Variants in KCTD8 observed in about 807,000 individuals in gnomAD.
KCTD8 encodes the protein BTB/POZ domain-containing protein KCTD8.
A neutral mutation model predicts 31.5 loss-of-function variants in KCTD8; 27 were observed. That is an observed-to-expected ratio of 0.86 (90% CI 0.63 to 1.18). The LOEUF is 1.18. KCTD8 is among the 50% of genes most tolerant of loss of function. The pLI, the probability that KCTD8 is intolerant of heterozygous loss-of-function variation, is 0.00. For missense variants in KCTD8, 658 were observed against 647.7 expected, an observed-to-expected ratio of 1.02 and a Z score of -0.17; for synonymous variants, 290 against 280.0, an observed-to-expected ratio of 1.04 and a Z score of -0.36.
chr4:44,387,383 A>G (rs370451554), intron 1 of KCTD8, among the ~76,000 whole-genome samples: 3 of 152,090 alleles, frequency 2.0e-5, no homozygotes, highest in African/African-American at 7.2e-5. Context: ...TAAAATTCAT[A>G]TTGAACCAAA....
chr4:44,412,806 C>T (rs1187736279), intron 1 of KCTD8, among the ~76,000 whole-genome samples: 1 of 152,142 alleles, frequency 6.6e-6, no homozygotes, highest in Admixed American at 6.6e-5. Flanking sequence ...TTTTTCTAGG[C>T]ATATTGTCAA....
At position 44,352,064 on chromosome 4, in the gene KCTD8, A is replaced by G. The variant is rs116761796; in HGVS notation, c.961+95499T>C. ...CTTACCTGGCCACTACTGTGGACTC[A>G]GAAATTCTCTTCTCATTCCATGTAC... On this transcript the variant is annotated intron_variant, in intron 1 of 1. Coordinates refer to ENST00000360029, the MANE Select transcript of KCTD8 (RefSeq NM_198353.3). Among the ~76,000 whole-genome samples the G allele has an allele frequency of 3.5e-3, 533 of 152,274 alleles. 5 individuals are homozygous for G. The highest frequency in any genetic ancestry group is 0.012 in the African/African-American group (507 of 41,568).
chr4:44,316,207 T>C (rs1468575744), intron 1 of KCTD8, among the ~76,000 whole-genome samples: 1 of 152,214 alleles, frequency 6.6e-6, no homozygotes, highest in East Asian at 1.9e-4. Context: ...CTATATATCT[T>C]AACTATGTTG....
At chr4:44,217,299 C>T (rs944774157) in intron 1 of KCTD8, among the ~76,000 whole-genome samples, 5 of 152,122 alleles carry the variant, frequency 3.3e-5, no homozygotes, top group Non-Finnish European at 5.9e-5. Flanking sequence ...CTTGTATTAA[C>T]AGGCCATAGA....
At chr4:44,231,510 T>C (rs116170170) in intron 1 of KCTD8, among the ~76,000 whole-genome samples, 3,522 of 152,296 alleles carry the variant, frequency 0.023, 145 homozygotes, top group African/African-American at 0.081. Flanking sequence ...CACATGATAG[T>C]CTTCATCCTA....
At chr4:44,407,431 A>G (rs1720827943) in intron 1 of KCTD8, among the ~76,000 whole-genome samples, 1 of 147,118 alleles carries the variant, frequency 6.8e-6, no homozygotes, top group Non-Finnish European at 1.5e-5. Context: ...CTTGTTGCCC[A>G]GACTGAGTGC....
intron 1 of KCTD8, among the ~76,000 whole-genome samples, chr4:44,304,199 G>T (rs1717730016): frequency 6.6e-6 from 1 of 151,952 alleles, no homozygotes; most frequent in Non-Finnish European, 1.5e-5. Flanking sequence ...TTTTTATTAA[G>T]CCCAAGAAGA....
chr4:44,209,546 C>A (rs1427396084), intron 1 of KCTD8, among the ~76,000 whole-genome samples: 4 of 151,680 alleles, frequency 2.6e-5, no homozygotes, highest in Non-Finnish European at 1.5e-5. Flanking sequence ...CACACACCCC[C>A]ACCCACATAC....
intron 1 of KCTD8, among the ~76,000 whole-genome samples, chr4:44,261,357 A>C (rs915585334): frequency 2.6e-5 from 4 of 151,974 alleles, no homozygotes; most frequent in African/African-American, 9.7e-5. Flanking sequence ...TGGTTCTGAA[A>C]ATCAAAATTT....
intron 1 of KCTD8, among the ~76,000 whole-genome samples, chr4:44,426,021 GA>G (rs1328957057): frequency 2.0e-5 from 3 of 150,222 alleles, no homozygotes; most frequent in Non-Finnish European, 4.4e-5. Flanking sequence ...AGAGGAATTT[GA>G]AAAAAAAGTG....
intron 1 of KCTD8, among the ~76,000 whole-genome samples, chr4:44,369,993 C>A (rs915934760): frequency 1.3e-5 from 2 of 152,176 alleles, no homozygotes; most frequent in African/African-American, 2.4e-5. Context: ...AAAATACCTA[C>A]ATATTTCAAA....
intron 1 of KCTD8, among the ~76,000 whole-genome samples, chr4:44,251,893 G>A (rs1410562541): frequency 4.0e-5 from 6 of 151,454 alleles, no homozygotes; most frequent in Non-Finnish European, 5.9e-5. Flanking sequence ...GGTTTTGGGG[G>A]AAAAGGTGGT....
intron 1 of KCTD8, among the ~76,000 whole-genome samples, chr4:44,219,517 A>G (rs1417546746): frequency 6.6e-6 from 1 of 152,208 alleles, no homozygotes; most frequent in Non-Finnish European, 1.5e-5. Context: ...TGCCATGTGA[A>G]GATAGAAGCA....
chr4:44,347,240 T>G (rs539880867), intron 1 of KCTD8, among the ~76,000 whole-genome samples: 2 of 152,330 alleles, frequency 1.3e-5, no homozygotes, highest in East Asian at 3.9e-4. Context: ...TGAGTACACC[T>G]AATAAATGAA....
chr4:44,180,927 A>C (rs1713363818), intron 1 of KCTD8, among the ~76,000 whole-genome samples: 1 of 152,204 alleles, frequency 6.6e-6, no homozygotes, highest in African/African-American at 2.4e-5. Context: ...ACAAGGAAAC[A>C]AATTCAATTA....
At chr4:44,426,780 A>C (rs181119868) in intron 1 of KCTD8, among the ~76,000 whole-genome samples, 1 of 151,956 alleles carries the variant, frequency 6.6e-6, no homozygotes, top group East Asian at 1.9e-4. Flanking sequence ...TGAAACAAAT[A>C]ATTCATACCT....
At chr4:44,424,464 T>C (rs1410599432) in intron 1 of KCTD8, among the ~76,000 whole-genome samples, 1 of 152,074 alleles carries the variant, frequency 6.6e-6, no homozygotes, top group Non-Finnish European at 1.5e-5. Flanking sequence ...TGACAGAAAT[T>C]AGTACAGAAG....
intron 1 of KCTD8, among the ~76,000 whole-genome samples, chr4:44,392,515 G>GGTGTGCTT (rs1720398844): frequency 6.6e-6 from 1 of 151,912 alleles, no homozygotes. Flanking sequence ...AAAAGGTGTA[G>GGTGTGCTT]GTGTGCTTGA....
chr4:44,381,703 G>A (rs1303197444), intron 1 of KCTD8, among the ~76,000 whole-genome samples: 1 of 151,454 alleles, frequency 6.6e-6, no homozygotes, highest in Non-Finnish European at 1.5e-5. Flanking sequence ...TCATCCCCTT[G>A]GCAATGGCTG....
Sources: gnomAD v4.1 joint callset for allele counts (sites outside exome capture counted in the v4.1 genomes callset) on GRCh38, gnomAD v4.1.1 for gene constraint, MANE v1.5 for transcripts, NCBI Gene and HGNC (gene_info 2026-07-23, HGNC 2026-07-21) for gene names.